The following MYH10 variants were observed in gnomAD, a reference collection of about 807,000 sequenced individuals.
MYH10 encodes myosin heavy chain 10, also known as myosin-10.
In MYH10, 55 loss-of-function variants were observed where a neutral mutation model predicts 257.8. The ratio of observed to expected loss-of-function variants is 0.21; its 90% CI spans 0.17 to 0.27. The LOEUF (loss-of-function observed/expected upper bound fraction) is 0.27, where lower values mean the gene tolerates loss of function less well. Among genes scored for constraint, MYH10 ranks in the 10% least tolerant of loss-of-function variants. The pLI, the probability that MYH10 is intolerant of heterozygous loss-of-function variation, is 1.00. For synonymous variants in MYH10, 854 were observed against 921.7 expected (o/e 0.93, Z 1.33); for missense variants, 1,631 against 2,500.6 (o/e 0.65, Z 7.42).
intron 17 of MYH10, 40 bp from the exon 18 acceptor site, chr17:8,521,325 T>C: frequency 1.9e-6 from 3 of 1,587,674 alleles, no homozygotes; most frequent in Non-Finnish European, 2.6e-6. Flanking sequence ...AAGCCAAACC[T>C]CACTCGTTAG....
chr17:8,565,058 T>C (rs1351061499), intron 7 of MYH10, among the ~76,000 whole-genome samples: 1 of 152,206 alleles, frequency 6.6e-6, no homozygotes, highest in Non-Finnish European at 1.5e-5. Context: ...CTATTGCTTT[T>C]ATTTTAAGTT....
At chr17:8,616,852 A>G (rs2085279833) in intron 2 of MYH10, among the ~76,000 whole-genome samples, 1 of 152,178 alleles carries the variant, frequency 6.6e-6, no homozygotes, top group Non-Finnish European at 1.5e-5. Context: ...TAGAGGATTT[A>G]CCACACTAAA....
intron 16 of MYH10, among the ~76,000 whole-genome samples, chr17:8,533,192 GT>G (rs2082050594): frequency 6.6e-6 from 1 of 152,108 alleles, no homozygotes; most frequent in Admixed American, 6.5e-5. Context: ...CACACTGCCT[GT>G]TTCACTTCTT....
intron 7 of MYH10, chr17:8,560,403 T>C (rs1597829870): frequency 3.3e-6 from 1 of 304,200 alleles, no homozygotes; most frequent in Non-Finnish European, 6.4e-6. Flanking sequence ...GGAAAGGAAG[T>C]TAGGTTCAAA....
At chr17:8,564,709 C>T (rs974618788) in intron 7 of MYH10, among the ~76,000 whole-genome samples, 2 of 152,094 alleles carry the variant, frequency 1.3e-5, no homozygotes, top group Non-Finnish European at 2.9e-5. Context: ...CCATAAAATC[C>T]ATAAATATAC....
intron 2 of MYH10, among the ~76,000 whole-genome samples, chr17:8,616,943 C>A (rs997144528): frequency 6.6e-6 from 1 of 151,992 alleles, no homozygotes; most frequent in Non-Finnish European, 1.5e-5. Context: ...CCAGGAAATA[C>A]AACAGAGTCA....
At position 8,548,630 on chromosome 17, in the gene MYH10, G is replaced by A; in HGVS notation, c.1063+14C>T. On this transcript the variant is annotated intron_variant, in intron 10 of 42. Transcript: ENST00000360416. ...GGAAAGTGAGTACCAGAATCTTAGA[G>A]AAATCACACATACACAGAATCTCTT... The A allele has an allele frequency of 6.2e-7, 1 of 1,613,016 alleles. No homozygotes were observed. The highest frequency in any genetic ancestry group is 8.5e-7 in the Non-Finnish European group (1 of 1,179,606).
rs373572656 is a variant in MYH10 at position 8,605,829 on chromosome 17, T to A, written c.346-847A>T. ...TATCTCCATGGCTGGATTTTCTTCA[T>A]ATGCCTTACCCAAAATGACATGTTA... On this transcript the variant is annotated intron_variant, in intron 2 of 42. Transcript: ENST00000360416. 1.7e-4 allele frequency among the ~76,000 whole-genome samples: 26 copies of A among 152,308 alleles called. No individual in the cohort carries two copies. The East Asian group carries it at 2.9e-3, about 17-fold the overall frequency.
chr17:8,479,104 A>G (rs560508160), intron 40 of MYH10, among the ~76,000 whole-genome samples: 1 of 152,372 alleles, frequency 6.6e-6, no homozygotes, highest in South Asian at 2.1e-4. Flanking sequence ...AGACTTTTGA[A>G]GACACCATCC....
chr17:8,608,598 G>A (rs1010845684), intron 2 of MYH10, among the ~76,000 whole-genome samples: 4 of 152,140 alleles, frequency 2.6e-5, no homozygotes, highest in African/African-American at 9.7e-5. Flanking sequence ...CCAGAGCCTT[G>A]GGAAAATCCT....
chr17:8,576,853 C>T (rs1286834016), intron 5 of MYH10, among the ~76,000 whole-genome samples, 181 bp from the exon 6 acceptor site: 1 of 152,210 alleles, frequency 6.6e-6, no homozygotes, highest in Non-Finnish European at 1.5e-5. Flanking sequence ...GGAGAACTGA[C>T]ATTTCTATTC....
chr17:8,511,026 AT>A (rs1323041568), intron 24 of MYH10: 3 of 4,174 alleles, frequency 7.2e-4, no homozygotes, highest in African/African-American at 8.6e-4. Context: ...ATATATATAT[AT>A]ATATATATAT....
At chr17:8,620,500 CAAAGA>C (rs2085423408) in intron 2 of MYH10, among the ~76,000 whole-genome samples, 1 of 151,890 alleles carries the variant, frequency 6.6e-6, no homozygotes, top group Non-Finnish European at 1.5e-5. Flanking sequence ...AGAATAAATC[CAAAGA>C]AAAGGTAAGA....
At chr17:8,605,685 C>T (rs2084771109) in intron 2 of MYH10, among the ~76,000 whole-genome samples, 1 of 152,128 alleles carries the variant, frequency 6.6e-6, no homozygotes, top group Non-Finnish European at 1.5e-5. Context: ...GCAGAGGCTG[C>T]AGTAAGCCTA....
At chr17:8,627,129 C>A (rs114200967) in intron 1 of MYH10, among the ~76,000 whole-genome samples, 2 of 142,874 alleles carry the variant, frequency 1.4e-5, no homozygotes, top group Non-Finnish European at 3.0e-5. Context: ...AAACTACATA[C>A]ACGTGTGTAT....
intron 38 of MYH10, 44 bp downstream of exon 38, chr17:8,481,278 G>A (rs1231602966): frequency 1.5e-5 from 24 of 1,584,072 alleles, no homozygotes; most frequent in Admixed American, 5.0e-5. Flanking sequence ...AGCAGTGCGC[G>A]TGCCTGAGGG....
Position 8,495,338 on chromosome 17 carries a change from G to A in MYH10, c.3952-97C>T, listed in dbSNP as rs1022312661. On this transcript the variant is annotated intron_variant, in intron 30 of 42. Coordinates refer to ENST00000360416, the MANE Select transcript of MYH10 (RefSeq NM_001256012.3). ...AACAGAACACAGAGAAGAACTCGGCGGGAGTGTGAACCTGAAACTACCCAT... is the reference window on the plus strand; with the variant it reads ...AACAGAACACAGAGAAGAACTCGGCAGGAGTGTGAACCTGAAACTACCCAT... 4.0e-5 allele frequency: 30 copies of A among 755,768 alleles called. 1 individual carries two copies. The highest frequency in any genetic ancestry group is 8.8e-5 in the Admixed American group (4 of 45,408). The allele number at this position is 755,768 out of a possible 1,614,324, so 46.8% of individuals were successfully genotyped here. A position where few individuals can be genotyped will look rare whatever the true frequency, so the allele number is the denominator to read the frequency against.
At chr17:8,574,377 G>A (rs1211088567) in intron 6 of MYH10, among the ~76,000 whole-genome samples, 2 of 152,226 alleles carry the variant, frequency 1.3e-5, no homozygotes, top group Non-Finnish European at 2.9e-5. Flanking sequence ...AGGGGCTGAG[G>A]GGAAATGGCA....
Position 8,552,081 on chromosome 17 carries a change from T to C in MYH10, c.884A>G (p.Tyr295Cys). ...AKDERTFHIFYQLLSGAGEHL... is the reference protein window; with the variant it reads ...AKDERTFHIFCQLLSGAGEHL... ...TTCTCCTGCTCCAGATAACAACTGG[T>C]AAAAGATATGAAAAGTACGTTCATC... Residue 295 changes from tyrosine (Y) to cysteine (C), a missense_variant, in exon 9 of 43, where the codon TAC becomes TGC. Tyr to Cys is a radical substitution (Grantham distance 194). Around this residue, in one of 11 missense-constraint regions of MYH10, gnomAD observed 360 missense variants for 581.9 expected, o/e 0.62. Transcript: ENST00000360416. This position sits in a 1 kb window ranked among gnomAD's most constrained non-coding sequence, Gnocchi z 4.8. 1 of 1,562,440 alleles carries C rather than the reference T, an allele frequency of 6.4e-7. No homozygotes were observed. The highest frequency in any genetic ancestry group is 8.7e-7 in the Non-Finnish European group (1 of 1,149,786).
Sources: allele counts gnomAD v4.1 joint callset (sites outside exome capture counted in the v4.1 genomes callset), GRCh38; gene constraint gnomAD v4.1.1; regional missense constraint gnomAD v4.1.1; non-coding constraint Gnocchi (gnomAD v3.1); transcripts MANE v1.5; gene names NCBI Gene and HGNC (gene_info 2026-07-23, HGNC 2026-07-21).